The following TMC6 variants were observed in gnomAD, a reference collection of about 807,000 sequenced individuals.
The protein encoded by TMC6 is transmembrane channel like 6, also known as transmembrane channel-like protein 6.
In TMC6, 71 loss-of-function variants were observed where a neutral mutation model predicts 95.4. That is an observed-to-expected ratio of 0.74 (90% CI 0.61 to 0.91). The LOEUF (loss-of-function observed/expected upper bound fraction) is 0.91, where lower values mean the gene tolerates loss of function less well. Among genes scored for constraint, TMC6 ranks in the 40% least tolerant of loss-of-function variants. The pLI, the probability that TMC6 is intolerant of heterozygous loss-of-function variation, is 0.00. For synonymous variants in TMC6, 514 were observed against 483.1 expected (o/e 1.06, Z -0.84); for missense variants, 1,074 against 1,079.1 (o/e 1.00, Z 0.07).
At chr17:78,114,149 G>A (rs924486847) in intron 18 of TMC6, among the ~76,000 whole-genome samples, 4 of 152,124 alleles carry the variant, frequency 2.6e-5, no homozygotes, top group African/African-American at 4.8e-5. Context: ...CATTCCTCCC[G>A]GAGGCTTCGG....
rs1048872551 is a variant in TMC6, at chr17:78,122,481, G to T, written c.1227+124C>A. 6.9e-7 allele frequency: 1 copy of T among 1,451,434 alleles called. No homozygotes were observed. The highest frequency in any genetic ancestry group is 2.0e-5 in the Admixed American group (1 of 50,310). The allele number at this position is 1,451,434 out of a possible 1,614,324, so 89.9% of individuals were successfully genotyped here. On this transcript the variant is annotated intron_variant, in intron 10 of 19. Transcript: ENST00000590602. The surrounding 1 kb of genome is among the most constrained non-coding windows in gnomAD (Gnocchi z 4.9). Reference sequence around the variant, plus strand: ...AGACCACGCCTGCCCAGCGCCCCGAGTTCAGCTCACGGACAGCTGGCCCTC... The same window carrying T: ...AGACCACGCCTGCCCAGCGCCCCGATTTCAGCTCACGGACAGCTGGCCCTC...
chr17:78,115,398 G>T (rs1324261018), intron 18 of TMC6, among the ~76,000 whole-genome samples: 1 of 152,180 alleles, frequency 6.6e-6, no homozygotes, highest in Non-Finnish European at 1.5e-5. Flanking sequence ...CCTGCAGGAG[G>T]ACAAATGGCA....
intron 16 of TMC6, 62 bp downstream of exon 16, chr17:78,117,740 C>A: frequency 6.3e-7 from 1 of 1,576,216 alleles, no homozygotes; most frequent in African/African-American, 1.4e-5. Flanking sequence ...TTGGGCCCCC[C>A]AGGCACCACC....
Position 78,110,220 on chromosome 17 carries a change from C to T in TMC6, c.*2928G>A, listed in dbSNP as rs1311586841. 1.3e-5 allele frequency: 2 copies of T among 152,076 alleles called. No individual in the cohort carries two copies. 9.4% of individuals were successfully genotyped at this position (152,076 alleles called of 1,614,324 possible). A position where few individuals can be genotyped will look rare whatever the true frequency, so the allele number is the denominator to read the frequency against. ...ATTGCCCGTGCTGGATTCAAAACAC[C>T]TGGGCTCGGCAGGTGTTGTGGTTCA... is the stretch of plus-strand genomic sequence containing the variant. On this transcript the variant is annotated 3_prime_UTR_variant, in exon 20 of 20. Transcript: ENST00000590602.
intron 1 of TMC6, among the ~76,000 whole-genome samples, chr17:78,127,575 A>T (rs1034715058): frequency 6.6e-6 from 1 of 152,192 alleles, no homozygotes; most frequent in Non-Finnish European, 1.5e-5. Context: ...CACCCGGCAC[A>T]ACTGGAACCA....
In TMC6 at chr17:78,111,331, C is replaced by G. The variant is rs2073821048; in HGVS notation, c.*1817G>C. On this transcript the variant is annotated 3_prime_UTR_variant, in exon 20 of 20. Transcript: ENST00000590602. ...GCAGCTAGTACTGTCCTTTGTGAGG[C>G]TGGCAAGATGGGCTCAACAGGTCAC... The G allele has an allele frequency of 6.6e-6, 1 of 152,306 alleles. No individual in the cohort carries two copies. Among genetic ancestry groups the G allele is most frequent in the Non-Finnish European group, 1.5e-5 (1 of 68,084 alleles). 9.4% of individuals were successfully genotyped at this position (152,306 alleles called of 1,614,324 possible).
At chr17:78,124,433 G>A in intron 8 of TMC6, 91 bp downstream of exon 8, 1 of 1,574,872 alleles carries the variant, frequency 6.3e-7, no homozygotes, top group Non-Finnish European at 8.6e-7. Context: ...AAGGGTTGGG[G>A]GCCCCAGGGG....
In TMC6 at chr17:78,125,149, G is replaced by A; in HGVS notation, c.536+9C>T. ...CAGCGGCGGCATGGTCAGGGTCGGG[G>A]CTGCTCACCGCAGGCTGCGTTTCTC... On this transcript the variant is annotated intron_variant, in intron 6 of 19. Transcript: ENST00000590602. The A allele has an allele frequency of 1.3e-6, 2 of 1,556,110 alleles. No homozygotes were observed. The highest frequency in any genetic ancestry group is 1.7e-6 in the Non-Finnish European group (2 of 1,150,122).
chr17:78,114,812 A>G (rs1372814931), intron 18 of TMC6, among the ~76,000 whole-genome samples: 4 of 152,344 alleles, frequency 2.6e-5, no homozygotes, highest in Middle Eastern at 3.4e-3. Context: ...TGCACGGGGA[A>G]AACTCAGACC....
chr17:78,118,965 C>T lies in TMC6; in HGVS notation c.1887+6G>A. 3.1e-6 allele frequency: 5 copies of T among 1,594,514 alleles called. No homozygotes were observed. The highest frequency in any genetic ancestry group is 4.3e-6 in the Non-Finnish European group (5 of 1,170,734). ...CCCAGCCCTCCCCAGGCCTTGGCAGCCTCACCTTCTTGACATAGAAGACGA... is the reference window on the plus strand; with the variant it reads ...CCCAGCCCTCCCCAGGCCTTGGCAGTCTCACCTTCTTGACATAGAAGACGA... On this transcript the variant is annotated splice_donor_region_variant and intron_variant, in intron 15 of 19. Transcript: ENST00000590602.
chr17:78,122,902 C>T lies in TMC6; in HGVS notation c.1083-153G>A. 1 of 1,002,532 alleles carries T rather than the reference C, an allele frequency of 1.0e-6. No homozygotes were observed. Among genetic ancestry groups the T allele is most frequent in the Non-Finnish European group, 1.5e-6 (1 of 666,696 alleles). 62.1% of individuals were successfully genotyped at this position (1,002,532 alleles called of 1,614,324 possible). A position where few individuals can be genotyped will look rare whatever the true frequency, so the allele number is the denominator to read the frequency against. On this transcript the variant is annotated intron_variant, in intron 9 of 19. Coordinates refer to ENST00000590602, the MANE Select transcript of TMC6 (RefSeq NM_001127198.5). The surrounding 1 kb of genome is among the most constrained non-coding windows in gnomAD (Gnocchi z 4.9). ...TGGGCCTCCTGCCACACCCCTGCCCCACCACCAGCCCTCTACACCAGTCTC... is the reference window on the plus strand; with the variant it reads ...TGGGCCTCCTGCCACACCCCTGCCCTACCACCAGCCCTCTACACCAGTCTC...
In TMC6 at chr17:78,111,788, A is replaced by G. The variant is rs957748986; in HGVS notation, c.*1360T>C. On this transcript the variant is annotated 3_prime_UTR_variant, in exon 20 of 20. Coordinates refer to ENST00000590602, the MANE Select transcript of TMC6 (RefSeq NM_001127198.5). ...TTTCTGGGCCCATCGCTCTTTGACC[A>G]TTTCCCCACCTGGGTTCATTCCCCC... 4.0e-5 allele frequency: 8 copies of G among 200,104 alleles called. No homozygotes were observed. Among genetic ancestry groups the G allele is most frequent in the Non-Finnish European group, 7.3e-5 (7 of 96,280 alleles). 12.4% of individuals were successfully genotyped at this position (200,104 alleles called of 1,614,324 possible).
rs1246217430 is a variant in TMC6, at chr17:78,126,262, G to A, written c.271+15C>T. 1 of 1,550,088 alleles carries A rather than the reference G, an allele frequency of 6.5e-7. No individual in the cohort carries two copies. The highest frequency in any genetic ancestry group is 2.4e-5 in the East Asian group (1 of 41,390). The stretch of plus-strand genomic sequence containing the variant: ...CGGGGCCGGGGCCGAGGCCGAGGCT[G>A]AGGGTCCCACTCACCAATGGTGCGG... On this transcript the variant is annotated intron_variant, in intron 4 of 19. Coordinates refer to ENST00000590602, the MANE Select transcript of TMC6 (RefSeq NM_001127198.5).
Position 78,125,710 on chromosome 17 carries a change from G to C in TMC6, c.430+16C>G. ...GCCGGTGTCCGCCACTGGGGCTCCA[G>C]TGCCCACTCACTCACCCTCCTCCTC... On this transcript the variant is annotated intron_variant, in intron 5 of 19. Transcript: ENST00000590602. The C allele has an allele frequency of 6.4e-7, 1 of 1,559,710 alleles. No individual in the cohort carries two copies. Among genetic ancestry groups the C allele is most frequent in the South Asian group, 1.2e-5 (1 of 84,786 alleles).
chr17:78,114,880 G>A (rs373048065), intron 18 of TMC6, among the ~76,000 whole-genome samples: 4 of 151,828 alleles, frequency 2.6e-5, no homozygotes, highest in African/African-American at 4.8e-5. Flanking sequence ...GCCAGCATCC[G>A]CCTGGAGAAA....
At chr17:78,120,574 G>A in intron 13 of TMC6, 79 bp downstream of exon 13, 4 of 1,604,440 alleles carry the variant, frequency 2.5e-6, no homozygotes, top group Admixed American at 1.7e-5. Context: ...AAAGGTCCAG[G>A]CCTGAGAACC....
rs1173782191 is a variant in TMC6 at position 78,121,681 on chromosome 17, T to C, written c.1258A>G (p.Ser420Gly). The change falls in exon 11 of 20, where the codon AGC (serine) becomes GGC (glycine). Residue 420 changes from serine to glycine, a missense_variant. Ser to Gly is a moderately conservative substitution (Grantham distance 56, BLOSUM62 0). Transcript: ENST00000590602. This position sits in a 1 kb window ranked among gnomAD's most constrained non-coding sequence, Gnocchi z 5.6. ...AGCCTCCCGCACACGCTCCTGGGGC[T>C]GTGCCGCAGCTGCCACTCGGCCAGC... ...ELLAEWQLRH[S>G]PRSVCGRLRQ... The C allele has an allele frequency of 1.3e-5, 21 of 1,591,818 alleles. No individual in the cohort carries two copies. Among genetic ancestry groups the C allele is most frequent in the Non-Finnish European group, 1.8e-5 (21 of 1,171,408 alleles).
At chr17:78,113,892 A>G (rs1237832171) in intron 18 of TMC6, 4 of 482,496 alleles carry the variant, frequency 8.3e-6, no homozygotes, top group Non-Finnish European at 1.5e-5. Flanking sequence ...GCCTGACTCA[A>G]TTTAAAACCA....
Position 78,112,786 on chromosome 17 carries a change from G to A in TMC6, c.*362C>T, listed in dbSNP as rs1455451810. 2 of 368,718 alleles carry A rather than the reference G, an allele frequency of 5.4e-6. No homozygotes were observed. Among genetic ancestry groups the A allele is most frequent in the Non-Finnish European group, 1.0e-5 (2 of 200,338 alleles). 22.8% of individuals were successfully genotyped at this position (368,718 alleles called of 1,614,324 possible). A position where few individuals can be genotyped will look rare whatever the true frequency, so the allele number is the denominator to read the frequency against. ...GCGCGGTCCAGCCCCTGCCATCTGG[G>A]GCTTGGCCAGCAGAGGGCGCCCCCA... On this transcript the variant is annotated 3_prime_UTR_variant, in exon 20 of 20. Transcript: ENST00000590602.
Sources: allele counts gnomAD v4.1 joint callset (sites outside exome capture counted in the v4.1 genomes callset), GRCh38; gene constraint gnomAD v4.1.1; non-coding constraint Gnocchi (gnomAD v3.1); transcripts MANE v1.5; gene names NCBI Gene and HGNC (gene_info 2026-07-23, HGNC 2026-07-21).